Variants in TRIP12 observed in about 807,000 individuals in gnomAD.
The protein encoded by TRIP12 is thyroid hormone receptor interactor 12, also known as E3 ubiquitin-protein ligase TRIP12.
TRIP12 carries 25 observed loss-of-function variants against 244.2 expected under a neutral mutation model. That is an observed-to-expected ratio of 0.10 (90% confidence interval 0.07 to 0.14). TRIP12 has a LOEUF of 0.14. Among genes scored for constraint, TRIP12 ranks in the 10% least tolerant of loss-of-function variants. TRIP12 has a pLI of 1.00. For synonymous variants in TRIP12, 905 were observed against 873.1 expected (o/e 1.04, Z -0.64); for missense variants, 1,677 against 2,486.4 (o/e 0.67, Z 6.92).
chr2:229,922,635 C>T (rs200692739), upstream of TRIP12: 6 of 1,610,186 alleles, frequency 3.7e-6, no homozygotes, highest in Admixed American at 1.0e-4. Flanking sequence ...GGTTTACCCT[C>T]TCTCCTAACT....
At chr2:229,836,394 C>A (rs1281295785) in intron 6 of TRIP12, among the ~76,000 whole-genome samples, 1 of 152,050 alleles carries the variant, frequency 6.6e-6, no homozygotes, top group South Asian at 2.1e-4. Flanking sequence ...TTTTGTGCTT[C>A]TAATATATCA....
intron 1 of TRIP12, among the ~76,000 whole-genome samples, chr2:229,882,514 C>G (rs1216808190): frequency 1.3e-5 from 2 of 152,106 alleles, no homozygotes; most frequent in African/African-American, 4.8e-5. Flanking sequence ...CTGCGATACA[C>G]CAAGAAGTTC....
intron 13 of TRIP12, among the ~76,000 whole-genome samples, chr2:229,813,332 A>G (rs1258941493): frequency 1.3e-5 from 2 of 152,234 alleles, no homozygotes; most frequent in East Asian, 3.8e-4. Context: ...CAAAATTGTT[A>G]AAGTCATCAA....
rs2031401848 is a variant in TRIP12, at chr2:229,765,233, T to C, written c.*2321A>G. 1 of 152,226 alleles carries C rather than the reference T, an allele frequency of 6.6e-6. No individual in the cohort carries two copies. The highest frequency in any genetic ancestry group is 1.5e-5 in the Non-Finnish European group (1 of 68,042). 9.4% of individuals were successfully genotyped at this position (152,226 alleles called of 1,614,324 possible). On this transcript the variant is annotated 3_prime_UTR_variant, in exon 42 of 42. Transcript: ENST00000675903. The stretch of plus-strand genomic sequence containing the variant: ...AAAATAAAGGACAACAAAATCTCAG[T>C]TGTTACCCAACTAAGTGTTTAAAGT...
chr2:229,858,442 T>G (rs530969600), intron 4 of TRIP12, among the ~76,000 whole-genome samples: 8 of 152,194 alleles, frequency 5.3e-5, no homozygotes, highest in Non-Finnish European at 1.2e-4. Flanking sequence ...TAATTTTGTA[T>G]GTGGTATAGA....
At position 229,807,878 on chromosome 2, in the gene TRIP12, G is replaced by A. The variant is rs905090028; in HGVS notation, c.2340-14C>T. On this transcript the variant is annotated splice_polypyrimidine_tract_variant and intron_variant, in intron 16 of 41. Coordinates refer to ENST00000675903, the MANE Select transcript of TRIP12 (RefSeq NM_001348323.3). ...GGCATAAGTTCACTGAAAACAAAAAGTACAATAATTTTAGTAACTTTATGA... is the reference window on the plus strand; with the variant it reads ...GGCATAAGTTCACTGAAAACAAAAAATACAATAATTTTAGTAACTTTATGA... 9.3e-6 allele frequency: 15 copies of A among 1,605,962 alleles called. No individual in the cohort carries two copies. Among genetic ancestry groups the A allele is most frequent in the Non-Finnish European group, 1.1e-5 (13 of 1,174,932 alleles).
At position 229,855,620 on chromosome 2, in the gene TRIP12, A is replaced by G. The variant is rs1373373723; in HGVS notation, c.1027+3152T>C. Among the ~76,000 whole-genome samples the G allele has an allele frequency of 6.1e-4, 80 of 130,440 alleles. 1 individual carries two copies. Among genetic ancestry groups the G allele is most frequent in the South Asian group, 5.8e-4 (2 of 3,460 alleles). The allele number at this position is 130,440 out of a possible 152,430, so 85.6% of individuals were successfully genotyped here. The stretch of plus-strand genomic sequence containing the variant: ...CAAGGGTTTAAAAAAAAAAAAAAAA[A>G]AAAAGAGAAAAGAAAATGCTTCATT... On this transcript the variant is annotated intron_variant, in intron 4 of 41. Transcript: ENST00000675903.
chr2:229,799,233 C>T (rs371158865), intron 22 of TRIP12, 50 bp downstream of exon 22: 2 of 1,596,198 alleles, frequency 1.3e-6, no homozygotes, highest in South Asian at 1.1e-5. Context: ...ATTTCTGCAC[C>T]TGCTACCACC....
intron 1 of TRIP12, among the ~76,000 whole-genome samples, chr2:229,913,891 G>A (rs918250021): frequency 9.9e-5 from 15 of 152,212 alleles, no homozygotes; most frequent in Admixed American, 6.5e-4. Context: ...CCTGAAATAT[G>A]TTACAGAAGG....
chr2:229,768,789 C>G (rs2032941948), intron 40 of TRIP12, 70 bp from the exon 41 acceptor site: 4 of 1,319,302 alleles, frequency 3.0e-6, no homozygotes, highest in Non-Finnish European at 4.1e-6. Context: ...CACTGCATCG[C>G]ATCACATGAC....
intron 1 of TRIP12, among the ~76,000 whole-genome samples, chr2:229,906,749 A>T (rs2072964655): frequency 6.6e-6 from 1 of 151,832 alleles, no homozygotes; most frequent in Admixed American, 6.6e-5. Context: ...AAAAAAAAAT[A>T]AGAAATTTAT....
intron 1 of TRIP12, among the ~76,000 whole-genome samples, chr2:229,902,753 AG>A (rs1182626112): frequency 1.3e-5 from 2 of 152,240 alleles, no homozygotes; most frequent in African/African-American, 2.4e-5. Flanking sequence ...GCTTCAAAAA[AG>A]GTTCAGGGCA....
intron 1 of TRIP12, among the ~76,000 whole-genome samples, chr2:229,917,441 TACA>T (rs1362505007): frequency 9.1e-6 from 1 of 110,114 alleles, no homozygotes; most frequent in Non-Finnish European, 1.8e-5. Flanking sequence ...TAAGATTATA[TACA>T]ACAATCTAAA....
intron 25 of TRIP12, among the ~76,000 whole-genome samples, chr2:229,796,115 G>A (rs879427503): frequency 6.6e-6 from 1 of 152,186 alleles, no homozygotes; most frequent in Non-Finnish European, 1.5e-5. Flanking sequence ...CCACTCTGTG[G>A]CTTTGTAATC....
intron 1 of TRIP12, among the ~76,000 whole-genome samples, chr2:229,904,191 A>G (rs1437282281): frequency 1.3e-5 from 2 of 152,122 alleles, no homozygotes; most frequent in African/African-American, 4.8e-5. Flanking sequence ...GCCAAGGAGG[A>G]TGGATCACCT....
chr2:229,877,897 T>C (rs1206466555), intron 2 of TRIP12, among the ~76,000 whole-genome samples: 1 of 152,250 alleles, frequency 6.6e-6, no homozygotes, highest in Non-Finnish European at 1.5e-5. Flanking sequence ...AACACTTTTA[T>C]TACAGGAGGA....
rs1464035842 is a variant in TRIP12 at position 229,805,902 on chromosome 2, A to G, written c.2497-19T>C. 6 of 1,510,564 alleles carry G rather than the reference A, an allele frequency of 4.0e-6. No individual in the cohort carries two copies. The highest frequency in any genetic ancestry group is 5.4e-6 in the Non-Finnish European group (6 of 1,112,604). The allele number at this position is 1,510,564 out of a possible 1,614,324, so 93.6% of individuals were successfully genotyped here. A position where few individuals can be genotyped will look rare whatever the true frequency, so the allele number is the denominator to read the frequency against. On this transcript the variant is annotated intron_variant, in intron 17 of 41. Coordinates refer to ENST00000675903, the MANE Select transcript of TRIP12 (RefSeq NM_001348323.3). ...GGGCTGCCTGAGAGCAAAGAGAGAG[A>G]AACTTTGAATATAAACATTGAGAAA...
At chr2:229,902,164 A>T (rs2071092237) in intron 1 of TRIP12, among the ~76,000 whole-genome samples, 1 of 152,140 alleles carries the variant, frequency 6.6e-6, no homozygotes, top group Non-Finnish European at 1.5e-5. Context: ...CAGGTGGATC[A>T]CTTGAAGTCA....
chr2:229,791,302 C>T, intron 29 of TRIP12, 51 bp from the exon 30 acceptor site: 1 of 1,604,196 alleles, frequency 6.2e-7, no homozygotes, highest in Non-Finnish European at 8.5e-7. Flanking sequence ...GAAACTGATA[C>T]AAAGCCAAAA....
Sources: allele counts gnomAD v4.1 joint callset (sites outside exome capture counted in the v4.1 genomes callset), GRCh38; gene constraint gnomAD v4.1.1; transcripts MANE v1.5; gene names NCBI Gene and HGNC (gene_info 2026-07-23, HGNC 2026-07-21).